The following CACNA2D3 variants were observed in gnomAD, a reference collection of about 807,000 sequenced individuals.
CACNA2D3 encodes the protein voltage-dependent calcium channel subunit alpha-2/delta-3.
Under a neutral mutation model 160.6 loss-of-function variants are expected in CACNA2D3, and 60 were observed. The ratio of observed to expected loss-of-function variants is 0.37; its 90% confidence interval spans 0.30 to 0.46. The LOEUF (loss-of-function observed/expected upper bound fraction) is 0.46, where lower values mean the gene tolerates loss of function less well. Among genes scored for constraint, CACNA2D3 ranks in the 20% least tolerant of loss-of-function variants. CACNA2D3 has a pLI of 1.00. For missense variants in CACNA2D3, 1,205 were observed against 1,365.0 expected (o/e 0.88, Z 1.85); for synonymous variants, 558 against 492.9 (o/e 1.13, Z -1.75).
intron 10 of CACNA2D3, among the ~76,000 whole-genome samples, chr3:54,628,346 G>A (rs930320346): frequency 1.3e-5 from 2 of 152,236 alleles, no homozygotes; most frequent in Admixed American, 6.5e-5. Context: ...GGAACCAGAT[G>A]CCAGCCAGTG....
At chr3:54,687,585 A>G (rs1266071531) in intron 11 of CACNA2D3, among the ~76,000 whole-genome samples, 1 of 152,194 alleles carries the variant, frequency 6.6e-6, no homozygotes, top group East Asian at 1.9e-4. Flanking sequence ...TTTGAAATAG[A>G]CTATCTAAAC....
Position 54,182,018 on chromosome 3 carries a change from C to T in CACNA2D3, c.204+58424C>T, listed in dbSNP as rs56888878. On this transcript the variant is annotated intron_variant, in intron 2 of 37. Coordinates refer to ENST00000474759, the MANE Select transcript of CACNA2D3 (RefSeq NM_018398.3). ...TAATAATCTAGTGGGCTTGAAATGT[C>T]GATAAATACACCCTTCTGTAAATGT... 5.1e-3 allele frequency among the ~76,000 whole-genome samples: 779 copies of T among 152,084 alleles called. 4 individuals carry two copies. The highest frequency in any genetic ancestry group is 0.017 in the African/African-American group (697 of 41,476).
At chr3:54,503,191 A>C (rs1701320335) in intron 4 of CACNA2D3, among the ~76,000 whole-genome samples, 1 of 152,230 alleles carries the variant, frequency 6.6e-6, no homozygotes, top group African/African-American at 2.4e-5. Context: ...GTCTCTCTTC[A>C]AAATTTAAAG....
chr3:54,182,658 T>C (rs1198178386), intron 2 of CACNA2D3, among the ~76,000 whole-genome samples: 11 of 152,248 alleles, frequency 7.2e-5, no homozygotes, highest in Admixed American at 7.2e-4. Context: ...CCAGTTAATT[T>C]GGTTGGGTTT....
chr3:54,429,460 G>T (rs1181376207), intron 4 of CACNA2D3, among the ~76,000 whole-genome samples: 4 of 152,078 alleles, frequency 2.6e-5, no homozygotes, highest in Admixed American at 2.6e-4. Flanking sequence ...GGAGGGACTG[G>T]GTAGGTGAGT....
At chr3:54,475,392 A>G (rs1474180267) in intron 4 of CACNA2D3, among the ~76,000 whole-genome samples, 2 of 152,216 alleles carry the variant, frequency 1.3e-5, no homozygotes, top group Non-Finnish European at 2.9e-5. Flanking sequence ...GAAAGTCTCA[A>G]TTGCAGCAAG....
intron 2 of CACNA2D3, among the ~76,000 whole-genome samples, chr3:54,202,788 G>A (rs1019579385): frequency 6.6e-6 from 1 of 152,216 alleles, no homozygotes; most frequent in Non-Finnish European, 1.5e-5. Context: ...TATGTCTGAT[G>A]TCCTGAAAGT....
At chr3:54,319,079 C>T (rs1329164437) in intron 2 of CACNA2D3, among the ~76,000 whole-genome samples, 1 of 151,750 alleles carries the variant, frequency 6.6e-6, no homozygotes, top group East Asian at 1.9e-4. Context: ...ACAGTAATCT[C>T]ATTTCAGGAT....
intron 2 of CACNA2D3, among the ~76,000 whole-genome samples, chr3:54,217,921 A>C (rs1377820805): frequency 6.6e-6 from 1 of 151,972 alleles, no homozygotes; most frequent in Non-Finnish European, 1.5e-5. Context: ...TTAGAGAGAA[A>C]GAGATGTGTT....
chr3:55,016,233 A>G (rs749644423), intron 34 of CACNA2D3, among the ~76,000 whole-genome samples: 3 of 152,224 alleles, frequency 2.0e-5, no homozygotes, highest in Admixed American at 6.5e-5. Context: ...CCAAAAAGTG[A>G]TGGTTCAAAA....
intron 2 of CACNA2D3, among the ~76,000 whole-genome samples, chr3:54,173,518 G>T (rs927449869): frequency 6.6e-6 from 1 of 152,184 alleles, no homozygotes. Context: ...CAGGCTGCTT[G>T]CTCACTCTTT....
intron 14 of CACNA2D3, among the ~76,000 whole-genome samples, chr3:54,835,018 A>T (rs1698642963): frequency 6.6e-6 from 1 of 152,190 alleles, no homozygotes; most frequent in Non-Finnish European, 1.5e-5. Context: ...CATCTAAAAA[A>T]CACCTTCCCA....
intron 5 of CACNA2D3, 51 bp from the exon 6 acceptor site, chr3:54,562,749 A>C: frequency 6.5e-7 from 1 of 1,542,496 alleles, no homozygotes; most frequent in Non-Finnish European, 8.9e-7. Context: ...CAGGAATTTT[A>C]TTTCACTTTG....
chr3:54,879,679 G>A (rs892176186), intron 20 of CACNA2D3, among the ~76,000 whole-genome samples: 3 of 152,202 alleles, frequency 2.0e-5, no homozygotes, highest in Non-Finnish European at 4.4e-5. Flanking sequence ...TTCCCGCTAA[G>A]GGTGAAGACA....
chr3:54,274,489 C>T (rs184341693), intron 2 of CACNA2D3, among the ~76,000 whole-genome samples: 10 of 152,318 alleles, frequency 6.6e-5, no homozygotes, highest in Admixed American at 4.6e-4. Context: ...TGCTCCTGCT[C>T]GTCACTGTGT....
intron 2 of CACNA2D3, among the ~76,000 whole-genome samples, chr3:54,174,728 T>G (rs1292307943): frequency 6.6e-6 from 1 of 152,188 alleles, no homozygotes; most frequent in Non-Finnish European, 1.5e-5. Flanking sequence ...GGTTTCACCG[T>G]GTTAGCCAGG....
At chr3:54,744,033 T>G (rs767983724) in intron 11 of CACNA2D3, among the ~76,000 whole-genome samples, 1 of 152,208 alleles carries the variant, frequency 6.6e-6, no homozygotes, top group Non-Finnish European at 1.5e-5. Flanking sequence ...GGCTTAATGA[T>G]GTGATGTGCA....
At chr3:54,975,153 G>A (rs1487429805) in intron 29 of CACNA2D3, among the ~76,000 whole-genome samples, 1 of 152,114 alleles carries the variant, frequency 6.6e-6, no homozygotes, top group Non-Finnish European at 1.5e-5. Context: ...AGGGAGGTCT[G>A]TTTAGAAAGT....
chr3:54,947,814 A>T (rs1701652661), intron 27 of CACNA2D3, among the ~76,000 whole-genome samples: 1 of 152,096 alleles, frequency 6.6e-6, no homozygotes, highest in East Asian at 1.9e-4. Flanking sequence ...ATGTTTGGGG[A>T]TGTGGGTCAG....
Sources: gnomAD v4.1 joint callset for allele counts (sites outside exome capture counted in the v4.1 genomes callset) on GRCh38, gnomAD v4.1.1 for gene constraint, MANE v1.5 for transcripts, NCBI Gene and HGNC (gene_info 2026-07-23, HGNC 2026-07-21) for gene names.